PPM1L: variants seen among roughly 807,000 people sequenced by gnomAD.
PPM1L encodes protein phosphatase, Mg2+/Mn2+ dependent 1L.
In PPM1L, 13 loss-of-function variants were observed where a neutral mutation model predicts 31.4. The ratio of observed to expected loss-of-function variants is 0.41; its 90% CI spans 0.27 to 0.66. PPM1L has a LOEUF of 0.66. Among genes scored for constraint, PPM1L ranks in the 30% least tolerant of loss-of-function variants. PPM1L has a pLI of 0.29. For missense variants in PPM1L, 326 were observed against 453.7 expected (o/e 0.72, Z 2.56); for synonymous variants, 184 against 175.4 (o/e 1.05, Z -0.39).
In PPM1L at chr3:160,897,092, G is replaced by A. The variant is rs1713360618; in HGVS notation, c.400-64644G>A. On this transcript the variant is annotated intron_variant, in intron 1 of 3. Coordinates refer to ENST00000498165, the MANE Select transcript of PPM1L (RefSeq NM_139245.4). ...GGAGTCTTGCTCTTTCACCAGGCTG[G>A]AGTGCAGTGGTGTGATCTTGGCTCA... Among the ~76,000 whole-genome samples the A allele has an allele frequency of 2.7e-5, 4 of 147,748 alleles. No homozygotes were observed. In the South Asian group the frequency reaches 8.6e-4, roughly 32 times the overall value.
rs1480686788 is a variant in PPM1L, at chr3:161,065,471, G to A, written c.643G>A (p.Gly215Arg). 3.1e-6 allele frequency: 5 copies of A among 1,614,026 alleles called. No homozygotes were observed. The highest frequency in any genetic ancestry group is 1.3e-5 in the African/African-American group (1 of 75,000). ...LTVANVGDSRGVLCDKDGNAI... is the reference protein window; with the variant it reads ...LTVANVGDSRRVLCDKDGNAI... ...TGTGGCCAACGTGGGTGACTCGCGC[G>A]GGGTCCTGTGTGACAAAGATGGGAA... The change falls in exon 3 of 4, where the codon GGG (glycine) becomes AGG (arginine). Residue 215 changes from glycine to arginine, a missense_variant. Gly to Arg is a moderately radical substitution (Grantham distance 125). Around this residue, in one of 3 missense-constraint regions of PPM1L, gnomAD observed 201 missense variants for 298.2 expected, o/e 0.67. Transcript: ENST00000498165.
chr3:160,963,893 G>A (rs1430915795), intron 2 of PPM1L, among the ~76,000 whole-genome samples: 2 of 151,986 alleles, frequency 1.3e-5, no homozygotes, highest in Non-Finnish European at 2.9e-5. Context: ...TGAAACAGTA[G>A]AAATAAACAC....
chr3:160,927,655 C>T (rs1262748900), intron 1 of PPM1L, among the ~76,000 whole-genome samples: 6 of 151,950 alleles, frequency 3.9e-5, no homozygotes, highest in African/African-American at 9.7e-5. Flanking sequence ...CGCGCATGCA[C>T]GTAAATGCGT....
intron 1 of PPM1L, among the ~76,000 whole-genome samples, chr3:160,855,158 A>T (rs1324726382): frequency 1.3e-5 from 2 of 152,210 alleles, no homozygotes; most frequent in African/African-American, 4.8e-5. Context: ...ATGCTGGGAT[A>T]ACTGGCTAGC....
intron 1 of PPM1L, among the ~76,000 whole-genome samples, chr3:160,789,000 T>C (rs1002163733): frequency 2.0e-5 from 3 of 151,998 alleles, no homozygotes; most frequent in African/African-American, 7.2e-5. Context: ...TAGAATCAGC[T>C]TATCTGGTTG....
Position 160,961,709 on chromosome 3 carries a change from C to T in PPM1L, c.400-27C>T, listed in dbSNP as rs759308179. On this transcript the variant is annotated intron_variant, in intron 1 of 3. Transcript: ENST00000498165. ...TAAGGGGAGAATTTCTAATGGAGTT[C>T]TCTCTCTCTGACTGTTTTATCTGCA... The T allele has an allele frequency of 1.1e-5, 17 of 1,545,316 alleles. No homozygotes were observed. The South Asian group carries it at 1.3e-4, about 12-fold the overall frequency.
chr3:160,878,447 G>A (rs1325862697), intron 1 of PPM1L, among the ~76,000 whole-genome samples: 1 of 152,140 alleles, frequency 6.6e-6, no homozygotes, highest in Non-Finnish European at 1.5e-5. Context: ...GCGGATGGTT[G>A]TTTTATGGCT....
intron 1 of PPM1L, among the ~76,000 whole-genome samples, chr3:160,869,699 T>G (rs914302815): frequency 1.4e-5 from 2 of 147,248 alleles, no homozygotes; most frequent in Non-Finnish European, 3.0e-5. Context: ...TTTTATAGGT[T>G]CTGCCTTTGG....
intron 1 of PPM1L, among the ~76,000 whole-genome samples, chr3:160,810,321 G>C (rs981079248): frequency 2.6e-5 from 4 of 152,030 alleles, no homozygotes; most frequent in African/African-American, 9.7e-5. Context: ...GTTTCAATTT[G>C]CTAGCTGTTC....
intron 1 of PPM1L, among the ~76,000 whole-genome samples, chr3:160,913,077 A>G (rs1423781210): frequency 2.0e-5 from 3 of 152,122 alleles, no homozygotes; most frequent in African/African-American, 7.2e-5. Context: ...ATCCATGAAG[A>G]TGGTATATGA....
chr3:161,035,754 T>G (rs957852455), intron 2 of PPM1L: 2 of 152,240 alleles, frequency 1.3e-5, no homozygotes, highest in Non-Finnish European at 2.9e-5. Flanking sequence ...ACTTTCCCAG[T>G]TTCTGGACAT....
At chr3:160,941,939 A>G (rs1715175871) in intron 1 of PPM1L, among the ~76,000 whole-genome samples, 1 of 152,186 alleles carries the variant, frequency 6.6e-6, no homozygotes, top group African/African-American at 2.4e-5. Flanking sequence ...TTACTTTGTA[A>G]CTCAGTTCAG....
chr3:161,038,533 T>G (rs1718813487), intron 2 of PPM1L, among the ~76,000 whole-genome samples: 1 of 147,568 alleles, frequency 6.8e-6, no homozygotes, highest in South Asian at 2.2e-4. Context: ...CTCAAACTTC[T>G]GGTCTCAAGA....
intron 1 of PPM1L, among the ~76,000 whole-genome samples, chr3:160,824,958 A>G (rs1224506523): frequency 6.6e-6 from 1 of 151,988 alleles, no homozygotes; most frequent in Non-Finnish European, 1.5e-5. Context: ...AAATATTCAT[A>G]TTTTAATTTG....
rs189866807 is a variant in PPM1L, at chr3:160,906,809, G to C, written c.400-54927G>C. 1.8e-3 allele frequency among the ~76,000 whole-genome samples: 277 copies of C among 152,274 alleles called. 1 individual carries two copies. Among genetic ancestry groups the C allele is most frequent in the African/African-American group, 6.2e-3 (259 of 41,540 alleles). On this transcript the variant is annotated intron_variant, in intron 1 of 3. Transcript: ENST00000498165. ...AATTCCTTGTGGGATATTGGACAGA[G>C]AGCCTGAATTTCTCACTGTTTGTTG...
intron 1 of PPM1L, among the ~76,000 whole-genome samples, chr3:160,863,670 A>G (rs552501988): frequency 1.3e-5 from 2 of 152,300 alleles, no homozygotes; most frequent in South Asian, 2.1e-4. Flanking sequence ...ACAGCTATCA[A>G]GTATGTTGTA....
At chr3:161,012,753 G>C (rs1717937392) in intron 2 of PPM1L, among the ~76,000 whole-genome samples, 1 of 152,148 alleles carries the variant, frequency 6.6e-6, no homozygotes, top group South Asian at 2.1e-4. Flanking sequence ...TTGGGAGAGT[G>C]TATGTGTTGA....
intron 1 of PPM1L, among the ~76,000 whole-genome samples, chr3:160,929,064 G>A (rs1227923200): frequency 1.3e-5 from 2 of 152,018 alleles, no homozygotes; most frequent in Non-Finnish European, 2.9e-5. Flanking sequence ...AAGGTAGCTT[G>A]TCAGGTTTCT....
At chr3:160,802,822 T>A (rs912682224) in intron 1 of PPM1L, among the ~76,000 whole-genome samples, 6 of 152,210 alleles carry the variant, frequency 3.9e-5, no homozygotes, top group South Asian at 2.1e-4. Context: ...GTACTTTTTT[T>A]AAAGAGGCAA....
Sources: allele counts gnomAD v4.1 joint callset (sites outside exome capture counted in the v4.1 genomes callset), GRCh38; gene constraint gnomAD v4.1.1; regional missense constraint gnomAD v4.1.1; transcripts MANE v1.5; gene names NCBI Gene and HGNC (gene_info 2026-07-23, HGNC 2026-07-21).